CHAT: variants seen among roughly 807,000 people sequenced by gnomAD.
CHAT encodes the protein acetyl CoA:choline O-acetyltransferase.
In CHAT, 61 loss-of-function variants were observed where a neutral mutation model predicts 76.9. The observed-to-expected ratio is 0.79, with a 90% confidence interval of 0.65 to 0.98. The LOEUF (loss-of-function observed/expected upper bound fraction) is 0.98. CHAT is among the 50% of genes least tolerant of loss of function. CHAT has a pLI of 0.00. For synonymous variants in CHAT, 407 were observed against 397.4 expected (o/e 1.02, Z -0.29); for missense variants, 946 against 986.9 (o/e 0.96, Z 0.56).
chr10:49,612,523 A>G, upstream of CHAT: 2 of 622,976 alleles, frequency 3.2e-6, no homozygotes, highest in Non-Finnish European at 5.5e-6. Context: ...TCTCTTGTCC[A>G]ATGGGGCTTG....
At chr10:49,651,834 T>A (rs760897914) in intron 10 of CHAT, 50 bp from the exon 11 acceptor site, 5 of 1,582,334 alleles carry the variant, frequency 3.2e-6, no homozygotes, top group South Asian at 1.1e-5. Context: ...CCCAGATGCA[T>A]GCATACTGTT....
rs201553605 is a variant in CHAT at position 49,646,570 on chromosome 10, C to T, written c.1177C>T (p.Pro393Ser). ...CATCTGCCTTGTATGCCTGGACGCG[C>T]CAGGAGGCGTGGAGCTCAGCGACAC... ...RCICLVCLDAPGGVELSDTHR... is the reference protein window; with the variant it reads ...RCICLVCLDASGGVELSDTHR... Residue 393 changes from proline to serine, a missense_variant, in exon 8 of 15, where the codon CCA (proline) becomes TCA (serine). Pro to Ser is a moderately conservative substitution (Grantham distance 74, BLOSUM62 -1). Transcript: ENST00000337653. 6.9e-5 allele frequency: 111 copies of T among 1,614,114 alleles called. No individual in the cohort carries two copies. Among genetic ancestry groups the T allele is most frequent in the Non-Finnish European group, 9.1e-5 (107 of 1,180,044 alleles).
At chr10:49,646,433 T>G in intron 7 of CHAT, 72 bp from the exon 8 acceptor site, 1 of 1,576,820 alleles carries the variant, frequency 6.3e-7, no homozygotes, top group Non-Finnish European at 8.7e-7. Flanking sequence ...CCCTGCCCTG[T>G]GTGGGGCTCT....
intron 7 of CHAT, among the ~76,000 whole-genome samples, chr10:49,630,913 C>T (rs182944371): frequency 2.6e-5 from 4 of 152,258 alleles, no homozygotes; most frequent in East Asian, 1.9e-4. Flanking sequence ...AAGATGAAAT[C>T]GACTGTGTGA....
intron 7 of CHAT, among the ~76,000 whole-genome samples, chr10:49,645,652 G>A (rs983110021): frequency 1.3e-5 from 2 of 152,178 alleles, no homozygotes; most frequent in African/African-American, 4.8e-5. Flanking sequence ...CTCTCTGGGA[G>A]GAACGCATGT....
intron 1 of CHAT, chr10:49,615,978 C>T: frequency 1.3e-6 from 2 of 1,526,770 alleles, no homozygotes; most frequent in Non-Finnish European, 1.8e-6. Flanking sequence ...GCCTTAAAGG[C>T]CTCCATTCAC....
intron 7 of CHAT, among the ~76,000 whole-genome samples, chr10:49,628,444 A>G (rs1028332478): frequency 2.0e-5 from 3 of 152,082 alleles, no homozygotes; most frequent in Non-Finnish European, 4.4e-5. Context: ...GTCTTTATTT[A>G]CCCCTCAGAA....
chr10:49,633,973 C>T (rs147430956), intron 7 of CHAT, among the ~76,000 whole-genome samples: 47 of 152,318 alleles, frequency 3.1e-4, no homozygotes, highest in African/African-American at 1.1e-3. Context: ...TTGCTATTTA[C>T]GTATCGTCAT....
At position 49,662,689 on chromosome 10, in the gene CHAT, G is replaced by A. The variant is rs1840230900; in HGVS notation, c.1884G>A (p.Arg628=). 1 of 1,614,224 alleles carries A rather than the reference G, an allele frequency of 6.2e-7. No individual in the cohort carries two copies. The part of the protein sequence containing the change: ...MAIDNHLLAL[R]ELARAMCKEL... Reference sequence around the variant, plus strand: ...TTGACAACCACCTGCTGGCACTGCGGGAGCTGGCCCGGGCCATGTGCAAGG... The same window carrying A: ...TTGACAACCACCTGCTGGCACTGCGAGAGCTGGCCCGGGCCATGTGCAAGG... The change falls in exon 14 of 15, where the codon CGG becomes CGA. Residue 628 remains arginine, a synonymous_variant. Coordinates refer to ENST00000337653, the MANE Select transcript of CHAT (RefSeq NM_020549.5).
At position 49,649,575 on chromosome 10, in the gene CHAT, C is replaced by A. The variant is rs778801148; in HGVS notation, c.1450C>A (p.Arg484=). The change falls in exon 10 of 15, where the codon CGG becomes AGG. Residue 484 remains arginine, a synonymous_variant. Transcript: ENST00000337653. ...CGAGCTCCCCGCCCCCCGGAGGCTG[C>A]GGTGGAAATGCTCCCCGGAAATTCA... is the stretch of plus-strand genomic sequence containing the variant. ...VSELPAPRRL[R]WKCSPEIQGH... 1.9e-6 allele frequency: 3 copies of A among 1,613,890 alleles called. No homozygotes were observed. The highest frequency in any genetic ancestry group is 1.7e-6 in the Non-Finnish European group (2 of 1,180,036).
intron 7 of CHAT, among the ~76,000 whole-genome samples, chr10:49,636,383 C>A (rs953734337): frequency 2.0e-5 from 3 of 152,076 alleles, no homozygotes; most frequent in Non-Finnish European, 4.4e-5. Context: ...GTGTATAATT[C>A]TTTTCATATA....
intron 6 of CHAT, 40 bp downstream of exon 6, chr10:49,625,693 A>G: frequency 6.5e-7 from 1 of 1,536,054 alleles, no homozygotes; most frequent in Non-Finnish European, 8.8e-7. Context: ...GGCACAGAGC[A>G]TACAGTGGCC....
At chr10:49,662,535 T>C (rs962007813) in intron 13 of CHAT, 110 bp from the exon 14 acceptor site, 2 of 1,404,722 alleles carry the variant, frequency 1.4e-6, no homozygotes, top group African/African-American at 1.4e-5. Context: ...TGGGTAAGCA[T>C]GAGCCGTGGC....
upstream of CHAT, chr10:49,613,184 G>C (rs1838347336): frequency 6.6e-6 from 1 of 152,288 alleles, no homozygotes; most frequent in African/African-American, 2.4e-5. Flanking sequence ...CCATCTTTTA[G>C]AGTCCGACCT....
At position 49,666,414 on chromosome 10, in the gene CHAT, G is replaced by A. The variant is rs766734977; in HGVS notation, c.*1368G>A. Among the ~76,000 whole-genome samples, 5 of 152,214 alleles carry A rather than the reference G, an allele frequency of 3.3e-5. No homozygotes were observed. The highest frequency in any genetic ancestry group is 7.3e-5 in the Non-Finnish European group (5 of 68,036). Reference sequence around the variant, plus strand: ...GCACATTTTTATGGGAAGTCTAAAGGGCAGAGGGAGGGAGTAAGAAAGCAA... The same window carrying A: ...GCACATTTTTATGGGAAGTCTAAAGAGCAGAGGGAGGGAGTAAGAAAGCAA... On this transcript the variant is annotated 3_prime_UTR_variant, in exon 15 of 15. Coordinates refer to ENST00000337653, the MANE Select transcript of CHAT (RefSeq NM_020549.5).
chr10:49,644,183 A>G (rs1048702196), intron 7 of CHAT, among the ~76,000 whole-genome samples: 2 of 152,090 alleles, frequency 1.3e-5, no homozygotes, highest in East Asian at 1.9e-4. Flanking sequence ...TAGACAGAGG[A>G]GGAGAAGGGC....
chr10:49,626,932 A>G (rs4838392), intron 6 of CHAT, among the ~76,000 whole-genome samples: 51,847 of 152,266 alleles, frequency 0.34, 9,843 homozygotes, highest in East Asian at 0.55. Flanking sequence ...GTAGGTGCAC[A>G]TGCACGCATG....
At chr10:49,660,443 G>GA (rs58309202) in intron 13 of CHAT, among the ~76,000 whole-genome samples, 36 of 143,026 alleles carry the variant, frequency 2.5e-4, no homozygotes, top group South Asian at 4.4e-4. Context: ...CTCCATCTCA[G>GA]AAAAAAAAAA....
At chr10:49,630,410 C>T (rs1044463311) in intron 7 of CHAT, among the ~76,000 whole-genome samples, 1 of 146,942 alleles carries the variant, frequency 6.8e-6, no homozygotes, top group Non-Finnish European at 1.5e-5. Context: ...ACAGGGGACC[C>T]GGCTTGGCAA....
Sources: gnomAD v4.1 joint callset for allele counts (sites outside exome capture counted in the v4.1 genomes callset) on GRCh38, gnomAD v4.1.1 for gene constraint, MANE v1.5 for transcripts, NCBI Gene and HGNC (gene_info 2026-07-23, HGNC 2026-07-21) for gene names.